Variants in ASXL1 observed in about 807,000 individuals in gnomAD.
ASXL1 encodes ASXL transcriptional regulator 1, also known as polycomb group protein ASXL1.
A neutral mutation model predicts 89.1 loss-of-function variants in ASXL1; 65 were observed. The observed-to-expected ratio is 0.73, with a 90% CI of 0.60 to 0.90. The LOEUF (loss-of-function observed/expected upper bound fraction) is 0.90. ASXL1 is among the 40% of genes least tolerant of loss of function. The probability of loss-of-function intolerance (pLI) is 0.00; values close to 1 mark genes in which losing one functional copy is unlikely to be tolerated. For synonymous variants in ASXL1, 739 were observed against 746.9 expected, an observed-to-expected ratio of 0.99 and a Z score of 0.17; for missense variants, 1,786 against 1,942.9, an observed-to-expected ratio of 0.92 and a Z score of 1.52.
Position 32,427,669 on chromosome 20 carries a change from T to A in ASXL1, c.253-459T>A, listed in dbSNP as rs1325707624. On this transcript the variant is annotated intron_variant, in intron 4 of 12. Transcript: ENST00000375687. ...AAGCAACACATCCTTTTGGATGTGT[T>A]ACTTCCCTGATCGTTATTCACCTCC... is the stretch of plus-strand genomic sequence containing the variant. The A allele has an allele frequency of 4.6e-5, 10 of 217,672 alleles. No individual in the cohort carries two copies. The Admixed American group carries it at 5.2e-4, about 11-fold the overall frequency. 13.5% of individuals were successfully genotyped at this position (217,672 alleles called of 1,614,324 possible).
In ASXL1 at chr20:32,437,640, C is replaced by G; in HGVS notation, c.*302C>G. On this transcript the variant is annotated 3_prime_UTR_variant, in exon 13 of 13. Coordinates refer to ENST00000375687, the MANE Select transcript of ASXL1 (RefSeq NM_015338.6). ...CGGGGGGTGGGGGGACTGCCTGACT[C>G]CCAGAGGGACTTGAAACTGAAGCAA... 2.1e-6 allele frequency: 1 copy of G among 465,202 alleles called. No individual in the cohort carries two copies. Among genetic ancestry groups the G allele is most frequent in the Admixed American group, 3.7e-5 (1 of 27,186 alleles). 28.8% of individuals were successfully genotyped at this position (465,202 alleles called of 1,614,324 possible). A position where few individuals can be genotyped will look rare whatever the true frequency, so the allele number is the denominator to read the frequency against.
intron 4 of ASXL1, among the ~76,000 whole-genome samples, chr20:32,411,212 A>ATTTT (rs1191515935): frequency 6.1e-5 from 4 of 65,808 alleles, no homozygotes; most frequent in Admixed American, 1.7e-4. Context: ...GAATTTATGG[A>ATTTT]TTCTTTTTTT....
intron 4 of ASXL1, among the ~76,000 whole-genome samples, chr20:32,379,463 C>T (rs543505028): frequency 6.6e-6 from 1 of 151,536 alleles, no homozygotes; most frequent in African/African-American, 2.4e-5. Context: ...CTGCCTTGGC[C>T]TCCCAAAGTG....
chr20:32,388,982 C>T (rs1190090374), intron 4 of ASXL1, among the ~76,000 whole-genome samples: 1 of 152,050 alleles, frequency 6.6e-6, no homozygotes, highest in East Asian at 1.9e-4. Flanking sequence ...CATCGTCAAA[C>T]AAAACATCTT....
At chr20:32,384,227 GAC>G (rs1290984021) in intron 4 of ASXL1, among the ~76,000 whole-genome samples, 1 of 101,184 alleles carries the variant, frequency 9.9e-6, no homozygotes, top group Non-Finnish European at 1.8e-5. Flanking sequence ...TTTTTTTTGA[GAC>G]AGAGTCTTGC....
At chr20:32,414,378 C>G (rs2049101227) in intron 4 of ASXL1, among the ~76,000 whole-genome samples, 2 of 150,946 alleles carry the variant, frequency 1.3e-5, no homozygotes, top group Admixed American at 6.6e-5. Flanking sequence ...TAATTTCTAG[C>G]AGATTGTTCA....
At chr20:32,409,969 T>A in intron 4 of ASXL1, among the ~76,000 whole-genome samples, 1 of 152,212 alleles carries the variant, frequency 6.6e-6, no homozygotes, top group East Asian at 1.9e-4. Context: ...AATAGTAAGT[T>A]CTCCAATATG....
rs199939835 is a variant in ASXL1, at chr20:32,430,083, T to C, written c.718+30T>C. On this transcript the variant is annotated intron_variant, in intron 8 of 12. Transcript: ENST00000375687. ...GTGGCGTGGCACTTATTTCTCTGCC[T>C]GTAAAGGGGGCCCCTGCAGGCCTAG... The C allele has an allele frequency of 1.9e-6, 3 of 1,597,942 alleles. No individual in the cohort carries two copies. In the African/African-American group the frequency reaches 4.0e-5, roughly 21 times the overall value.
chr20:32,419,998 T>C (rs761116156), intron 4 of ASXL1, among the ~76,000 whole-genome samples: 10 of 151,988 alleles, frequency 6.6e-5, no homozygotes, highest in East Asian at 1.9e-4. Flanking sequence ...AATTTTCTAA[T>C]TGATGATGTT....
At chr20:32,397,798 C>T (rs2048796343) in intron 4 of ASXL1, among the ~76,000 whole-genome samples, 1 of 152,214 alleles carries the variant, frequency 6.6e-6, no homozygotes, top group African/African-American at 2.4e-5. Context: ...GGGCTGTGTG[C>T]GACCTGCTGG....
chr20:32,410,962 A>G (rs2049031197), intron 4 of ASXL1, among the ~76,000 whole-genome samples: 1 of 144,224 alleles, frequency 6.9e-6, no homozygotes, highest in Non-Finnish European at 1.5e-5. Context: ...AACCCTGGAG[A>G]TGGAGGTTGC....
chr20:32,434,627 ACTGCCATCGGAGGGGGGGGTGGC>A lies in ASXL1; in HGVS notation c.1917_1939del (p.Ala640GlyfsTer10). On this transcript the variant is annotated frameshift_variant, in exon 13 of 13. Coordinates refer to ENST00000375687, the MANE Select transcript of ASXL1 (RefSeq NM_015338.6). LOFTEE classifies it low-confidence loss of function (END_TRUNC). ...CCACTGCCATAGAGAGGCGGCCACC[ACTGCCATCGGAGGGGGGGGTGGC>A]CCGGGTGGAGGTGGCGGCGGGGCCA... 1 of 1,609,056 alleles carries A rather than the reference ACTGCCATCGGAGGGGGGGGTGGC, an allele frequency of 6.2e-7. No homozygotes were observed. The highest frequency in any genetic ancestry group is 2.2e-5 in the East Asian group (1 of 44,660).
intron 4 of ASXL1, among the ~76,000 whole-genome samples, chr20:32,414,381 A>G (rs1375036959): frequency 1.3e-5 from 2 of 149,890 alleles, no homozygotes; most frequent in African/African-American, 4.9e-5. Context: ...TTTCTAGCAG[A>G]TTGTTCATGT....
Position 32,409,329 on chromosome 20 carries a change from T to G in ASXL1, c.253-18799T>G, listed in dbSNP as rs567716206. ...ATGGAATTTGTTTTAAAAATTTGTTTCCCAGTTTTTTGCCCTAGCAGGTAT... is the reference window on the plus strand; with the variant it reads ...ATGGAATTTGTTTTAAAAATTTGTTGCCCAGTTTTTTGCCCTAGCAGGTAT... On this transcript the variant is annotated intron_variant, in intron 4 of 12. Coordinates refer to ENST00000375687, the MANE Select transcript of ASXL1 (RefSeq NM_015338.6). Among the ~76,000 whole-genome samples, 17 of 152,322 alleles carry G rather than the reference T, an allele frequency of 1.1e-4. No homozygotes were observed. The South Asian group carries it at 3.5e-3, about 32-fold the overall frequency.
chr20:32,434,453 C>T lies in ASXL1; in HGVS notation c.1741C>T (p.Pro581Ser), dbSNP rs2011651352. ...PIRIQLSRIK[P>S]PWVVKGQPTY... Reference sequence around the variant, plus strand: ...GCAGATTCAACTTTCACGTATCAAACCACCCTGGGTGGTTAAAGGTCAGCC... The same window carrying T: ...GCAGATTCAACTTTCACGTATCAAATCACCCTGGGTGGTTAAAGGTCAGCC... The change falls in exon 13 of 13, where the codon CCA becomes TCA. Residue 581 changes from proline (P) to serine (S), a missense_variant. Pro to Ser is a moderately conservative substitution (Grantham distance 74, BLOSUM62 -1). Coordinates refer to ENST00000375687, the MANE Select transcript of ASXL1 (RefSeq NM_015338.6). The T allele has an allele frequency of 6.2e-7, 1 of 1,613,924 alleles. No homozygotes were observed. Among genetic ancestry groups the T allele is most frequent in the Admixed American group, 1.7e-5 (1 of 59,998 alleles).
chr20:32,437,653 G>A lies in ASXL1; in HGVS notation c.*315G>A. On this transcript the variant is annotated 3_prime_UTR_variant, in exon 13 of 13. Transcript: ENST00000375687. Reference sequence around the variant, plus strand: ...GACTGCCTGACTCCCAGAGGGACTTGAAACTGAAGCAAGAAGGTTGCATTC... The same window carrying A: ...GACTGCCTGACTCCCAGAGGGACTTAAAACTGAAGCAAGAAGGTTGCATTC... 1 of 445,062 alleles carries A rather than the reference G, an allele frequency of 2.2e-6. No homozygotes were observed. Among genetic ancestry groups the A allele is most frequent in the Non-Finnish European group, 4.1e-6 (1 of 244,922 alleles). 27.6% of individuals were successfully genotyped at this position (445,062 alleles called of 1,614,324 possible).
chr20:32,429,526 A>C lies in ASXL1; in HGVS notation c.565+95A>C. The C allele has an allele frequency of 7.6e-7, 1 of 1,310,492 alleles. No individual in the cohort carries two copies. The highest frequency in any genetic ancestry group is 1.8e-5 in the Admixed American group (1 of 56,966). 81.2% of individuals were successfully genotyped at this position (1,310,492 alleles called of 1,614,324 possible). A position where few individuals can be genotyped will look rare whatever the true frequency, so the allele number is the denominator to read the frequency against. On this transcript the variant is annotated intron_variant, in intron 7 of 12. Transcript: ENST00000375687. This position sits in a 1 kb window ranked among gnomAD's most constrained non-coding sequence, Gnocchi z 4.9. ...GTTTCTGACCTAATAGTGCGATACT[A>C]GGAGAGCTGTCGGGCCACAGGCAAG... is the stretch of plus-strand genomic sequence containing the variant.
Position 32,435,088 on chromosome 20 carries a change from C to T in ASXL1, c.2376C>T (p.Gly792=), listed in dbSNP as rs1224738434. ...HPDVRTECES[G]TTSWESDDEE... ...ATGTTAGAACTGAATGTGAGTCTGGCACCACTTCCTGGGAAAGTGATGATG... is the reference window on the plus strand; with the variant it reads ...ATGTTAGAACTGAATGTGAGTCTGGTACCACTTCCTGGGAAAGTGATGATG... The change falls in exon 13 of 13, where the codon GGC becomes GGT. Residue 792 remains glycine, a synonymous_variant. Transcript: ENST00000375687. The T allele has an allele frequency of 6.2e-7, 1 of 1,614,020 alleles. No homozygotes were observed.
At chr20:32,432,587 CTAAGAGTAAACAA>C (rs1397115674) in intron 10 of ASXL1, 8 of 379,292 alleles carry the variant, frequency 2.1e-5, no homozygotes, top group Admixed American at 3.8e-5. Flanking sequence ...GTAGGCCTTT[CTAAGAGTAAACAA>C]TCAGGCCTAC....
Sources: gnomAD v4.1 joint callset for allele counts (sites outside exome capture counted in the v4.1 genomes callset) on GRCh38, gnomAD v4.1.1 for gene constraint, Gnocchi (gnomAD v3.1) non-coding constraint, MANE v1.5 for transcripts, NCBI Gene and HGNC (gene_info 2026-07-23, HGNC 2026-07-21) for gene names.